BSG: variants seen among roughly 807,000 people sequenced by gnomAD.
BSG encodes basigin (Ok blood group).
A neutral mutation model predicts 43.1 loss-of-function variants in BSG; 37 were observed. The observed-to-expected ratio is 0.86, with a 90% CI of 0.66 to 1.13. BSG has a LOEUF of 1.13. Ranked by LOEUF, BSG falls within the 50% of genes most tolerant of loss-of-function variation. BSG has a pLI of 0.00. For synonymous variants in BSG, 309 were observed against 238.7 expected, an observed-to-expected ratio of 1.29 and a Z score of -2.72; for missense variants, 599 against 554.2, an observed-to-expected ratio of 1.08 and a Z score of -0.81.
In BSG at chr19:579,070, C is replaced by T. The variant is rs765931508; in HGVS notation, c.416-430C>T. 9 of 458,358 alleles carry T rather than the reference C, an allele frequency of 2.0e-5. No individual in the cohort carries two copies. The Middle Eastern group carries it at 1.6e-3, about 82-fold the overall frequency. 28.4% of individuals were successfully genotyped at this position (458,358 alleles called of 1,614,324 possible). ...TGGCTACGTTTTTAGAAAAGAATTT[C>T]CAGTTTGTGCTGGGGCTGCTACAAG... On this transcript the variant is annotated intron_variant, in intron 2 of 8. Transcript: ENST00000333511.
Position 582,338 on chromosome 19 carries a change from C to A in BSG, c.1094+8C>A. 1.9e-6 allele frequency: 3 copies of A among 1,596,596 alleles called. No homozygotes were observed. The highest frequency in any genetic ancestry group is 1.7e-6 in the Non-Finnish European group (2 of 1,176,178). ...CGCCGGCTCTGCACCCCTGTAAGTTCCAGCTGTGGGGGTCGGGGGTCCCAA... is the reference window on the plus strand; with the variant it reads ...CGCCGGCTCTGCACCCCTGTAAGTTACAGCTGTGGGGGTCGGGGGTCCCAA... On this transcript the variant is annotated splice_region_variant and intron_variant, in intron 7 of 8. Transcript: ENST00000333511.
chr19:571,559 G>A (rs1190234623), upstream of BSG: 1 of 779,440 alleles, frequency 1.3e-6, no homozygotes, highest in Non-Finnish European at 2.4e-6. Flanking sequence ...TGAAGCAGTC[G>A]GACGCGTCTC....
intron 1 of BSG, among the ~76,000 whole-genome samples, chr19:573,821 AG>A (rs1981511012): frequency 6.6e-6 from 1 of 152,186 alleles, no homozygotes; most frequent in South Asian, 2.1e-4. Flanking sequence ...CCGTGTGTTG[AG>A]GGTGGGCAAA....
Position 582,460 on chromosome 19 carries a change from T to G in BSG, c.1095-54T>G, listed in dbSNP as rs570527862. The G allele has an allele frequency of 8.4e-5, 135 of 1,599,620 alleles. 1 individual carries two copies. The African/African-American group carries it at 1.7e-3, about 20-fold the overall frequency. On this transcript the variant is annotated intron_variant, in intron 7 of 8. Transcript: ENST00000333511. ...GGGGGCCGGGGTGGGCAGGGGTGAC[T>G]TGGAGAGAGTGACTTGCGGGGGACA... is the stretch of plus-strand genomic sequence containing the variant.
chr19:572,319 A>C (rs563529732), upstream of BSG: 153 of 951,048 alleles, frequency 1.6e-4, no homozygotes, highest in South Asian at 6.9e-3. Context: ...CGCTCATTGC[A>C]ACTTTGAAAG....
rs868761880 is a variant in BSG at position 579,325 on chromosome 19, G to A, written c.416-175G>A. The A allele has an allele frequency of 1.5e-5, 13 of 867,770 alleles. No individual in the cohort carries two copies. The Middle Eastern group carries it at 2.3e-3, about 157-fold the overall frequency. The allele number at this position is 867,770 out of a possible 1,614,324, so 53.8% of individuals were successfully genotyped here. ...GGCGCTGGGCTCTTCCCTTCCCGGA[G>A]GCGTGGCCAGAAGTTCCCCTTGGGC... On this transcript the variant is annotated intron_variant, in intron 2 of 8. Transcript: ENST00000333511.
At chr19:579,734 G>A (rs1982120002) in intron 3 of BSG, 78 bp downstream of exon 3, 1 of 1,531,228 alleles carries the variant, frequency 6.5e-7, no homozygotes, top group Admixed American at 2.0e-5. Flanking sequence ...TGGTCCGTGA[G>A]AACAAAAGAC....
At chr19:580,123 C>T in intron 3 of BSG, 1 of 517,732 alleles carries the variant, frequency 1.9e-6, no homozygotes. Context: ...GTGTGGGGTG[C>T]AGAGCAGGGA....
chr19:579,829 G>A, intron 3 of BSG, 173 bp downstream of exon 3: 1 of 1,049,042 alleles, frequency 9.5e-7, no homozygotes, highest in African/African-American at 1.6e-5. Context: ...GGGTCTGAGG[G>A]GCGTCCTTGT....
rs375283966 is a variant in BSG at position 579,514 on chromosome 19, A to C, written c.430A>C (p.Thr144Pro). The change falls in exon 3 of 9, where the codon ACT becomes CCT. Residue 144 changes from threonine to proline, a missense_variant. Thr to Pro is a conservative substitution (Grantham distance 38). Transcript: ENST00000333511. ...VLVLEPGTVF[T>P]TVEDLGSKIL... ...GGGCCTTGCAGCCGGCACAGTCTTC[A>C]CTACCGTAGAAGACCTTGGCTCCAA... 1.2e-5 allele frequency: 19 copies of C among 1,612,660 alleles called. No individual in the cohort carries two copies. The African/African-American group carries it at 2.5e-4, about 21-fold the overall frequency.
At chr19:571,711 G>A, upstream of BSG, 1 of 704,092 alleles carries the variant, frequency 1.4e-6, no homozygotes, top group Non-Finnish European at 2.6e-6. Context: ...ACGGAAGGGG[G>A]CTGCCTGCGT....
rs768150957 is a variant in BSG, at chr19:581,316, C to A, written c.794C>A (p.Ala265Asp). The change falls in exon 6 of 9, where the codon GCC (alanine) becomes GAC (aspartate). Residue 265 changes from alanine to aspartate, a missense_variant and splice_region_variant. Transcript: ENST00000333511. The part of the protein sequence containing the change: ...WYKITDSEDK[A>D]LMNGSESRFF... ...CAGCCCTTGCCTTTGGTCCCCTAGG[C>A]CCTCATGAACGGCTCCGAGAGCAGG... is the stretch of plus-strand genomic sequence containing the variant. 5.0e-6 allele frequency: 8 copies of A among 1,610,778 alleles called. No homozygotes were observed. Among genetic ancestry groups the A allele is most frequent in the South Asian group, 1.1e-5 (1 of 90,890 alleles).
At chr19:575,080 T>G (rs1396671691) in intron 1 of BSG, 2 of 152,298 alleles carry the variant, frequency 1.3e-5, no homozygotes, top group African/African-American at 4.8e-5. Context: ...AAGGGTTTCT[T>G]CTGAGCAGAA....
At chr19:572,351 G>C (rs1048817037), upstream of BSG, 8 of 1,055,226 alleles carry the variant, frequency 7.6e-6, no homozygotes, top group Non-Finnish European at 8.0e-6. Flanking sequence ...AAATGCGCAG[G>C]CTCCAGCCGC....
chr19:575,776 C>T (rs755086275), intron 1 of BSG, among the ~76,000 whole-genome samples: 1 of 152,132 alleles, frequency 6.6e-6, no homozygotes, highest in African/African-American at 2.4e-5. Context: ...TGGCCAGAAT[C>T]GAATTCTAAC....
rs1462488948 is a variant in BSG, at chr19:572,612, A to G, written c.-23A>G. On this transcript the variant is annotated 5_prime_UTR_variant, in exon 1 of 9. Transcript: ENST00000333511. ...GGCGGCGGCAGCGGTTGGAGGTTGTAGGACCGGCGAGGAATAGGAATCATG... is the reference window on the plus strand; with the variant it reads ...GGCGGCGGCAGCGGTTGGAGGTTGTGGGACCGGCGAGGAATAGGAATCATG... 3.4e-6 allele frequency: 5 copies of G among 1,485,978 alleles called. No homozygotes were observed. Among genetic ancestry groups the G allele is most frequent in the East Asian group, 2.9e-5 (1 of 34,326 alleles). 92.0% of individuals were successfully genotyped at this position (1,485,978 alleles called of 1,614,324 possible).
chr19:575,248 A>G (rs920975422), intron 1 of BSG: 1 of 152,486 alleles, frequency 6.6e-6, no homozygotes, highest in Admixed American at 6.5e-5. Flanking sequence ...ACTCGTGAAG[A>G]CCACAAGGTC....
In BSG at chr19:582,529, G is replaced by A. The variant is rs938505075; in HGVS notation, c.1110G>A (p.Gln370=). The change falls in exon 8 of 9, where the codon CAG becomes CAA. Residue 370 remains glutamine, a synonymous_variant. Transcript: ENST00000333511. ...AGSAPLKSSG[Q]HQNDKGKNVR... is the part of the protein sequence containing the mutation. ...CGTGCCCCAGGAAGAGCAGCGGGCA[G>A]CACCAGAATGACAAAGGCAAGAACG... The A allele has an allele frequency of 6.3e-7, 1 of 1,599,140 alleles. No homozygotes were observed. Among genetic ancestry groups the A allele is most frequent in the Non-Finnish European group, 8.5e-7 (1 of 1,173,142 alleles).
At position 579,613 on chromosome 19, in the gene BSG, G is replaced by T. The variant is rs370866473; in HGVS notation, c.529G>T (p.Val177Leu). ...TGHRWLKGGV[V>L]LKEDALPGQK... ...GCACCGCTGGCTGAAGGGGGGCGTG[G>T]TGCTGAAGGAGGACGCGCTGCCCGG... The change falls in exon 3 of 9, where the codon GTG (valine) becomes TTG (leucine). Residue 177 changes from valine to leucine, a missense_variant. By Grantham distance (32) the Val-to-Leu change is conservative. Transcript: ENST00000333511. The T allele has an allele frequency of 6.2e-7, 1 of 1,612,428 alleles. No homozygotes were observed. The highest frequency in any genetic ancestry group is 8.5e-7 in the Non-Finnish European group (1 of 1,179,820).
Sources: allele counts gnomAD v4.1 joint callset (sites outside exome capture counted in the v4.1 genomes callset), GRCh38; gene constraint gnomAD v4.1.1; transcripts MANE v1.5; gene names NCBI Gene and HGNC (gene_info 2026-07-23, HGNC 2026-07-21).